Variants in TAF2 observed in about 807,000 individuals in gnomAD.
TAF2 encodes the protein TATA-box binding protein associated factor 2.
In TAF2, 61 loss-of-function variants were observed where a neutral mutation model predicts 138.5. The ratio of observed to expected loss-of-function variants is 0.44; its 90% CI spans 0.36 to 0.54. TAF2 has a LOEUF of 0.54. Among genes scored for constraint, TAF2 ranks in the 20% least tolerant of loss-of-function variants. The probability of loss-of-function intolerance (pLI) is 0.00; values close to 1 mark genes in which losing one functional copy is unlikely to be tolerated. For synonymous variants in TAF2, 475 were observed against 469.9 expected (o/e 1.01, Z -0.14); for missense variants, 1,090 against 1,427.9 (o/e 0.76, Z 3.81).
intron 18 of TAF2, among the ~76,000 whole-genome samples, chr8:119,769,821 G>A (rs575455893): frequency 3.3e-5 from 5 of 151,090 alleles, no homozygotes; most frequent in Admixed American, 6.6e-5. Context: ...GAAGTGGCGC[G>A]ATCTCGGCTC....
At chr8:119,744,669 T>C (rs1433002534) in intron 23 of TAF2, 1 of 463,466 alleles carries the variant, frequency 2.2e-6, no homozygotes, top group African/African-American at 2.0e-5. Context: ...TGGTGGAACG[T>C]GCACACATAG....
intron 5 of TAF2, among the ~76,000 whole-genome samples, chr8:119,803,048 T>C (rs374722964): frequency 1.3e-5 from 2 of 151,830 alleles, no homozygotes; most frequent in South Asian, 2.1e-4. Flanking sequence ...GAGGTGGGGA[T>C]TGCAGTGAGC....
At chr8:119,757,421 A>G (rs1820772973) in intron 21 of TAF2, among the ~76,000 whole-genome samples, 1 of 152,160 alleles carries the variant, frequency 6.6e-6, no homozygotes, top group African/African-American at 2.4e-5. Context: ...CTAAGAGCCG[A>G]TCAGTATTAT....
intron 18 of TAF2, among the ~76,000 whole-genome samples, chr8:119,777,594 T>C (rs1822343807): frequency 1.3e-5 from 2 of 152,180 alleles, no homozygotes; most frequent in South Asian, 2.1e-4. Flanking sequence ...AAAGACACAA[T>C]GGTAAAGAAA....
chr8:119,761,449 TATA>T (rs1250929850), intron 19 of TAF2, among the ~76,000 whole-genome samples: 1 of 152,206 alleles, frequency 6.6e-6, no homozygotes, highest in Non-Finnish European at 1.5e-5. Context: ...GACATATAAG[TATA>T]ATAAATTTTT....
intron 25 of TAF2, among the ~76,000 whole-genome samples, chr8:119,733,721 C>T (rs763388246): frequency 5.9e-5 from 9 of 152,084 alleles, no homozygotes; most frequent in African/African-American, 1.2e-4. Flanking sequence ...AGATTCCCTC[C>T]CTTCCAGAGA....
intron 10 of TAF2, 89 bp downstream of exon 10, chr8:119,793,277 G>A (rs929702297): frequency 1.7e-5 from 19 of 1,103,882 alleles, no homozygotes; most frequent in Non-Finnish European, 2.6e-5. Flanking sequence ...TAAATTCTGA[G>A]GTACAATGAA....
chr8:119,812,031 C>T (rs541375235), intron 3 of TAF2, among the ~76,000 whole-genome samples: 9 of 152,120 alleles, frequency 5.9e-5, no homozygotes, highest in Middle Eastern at 3.4e-3. Context: ...GCTCAGAAGA[C>T]TCACCCAAGT....
chr8:119,814,050 A>G (rs12155707), intron 3 of TAF2, among the ~76,000 whole-genome samples: 88,258 of 151,964 alleles, frequency 0.58, 25,803 homozygotes, highest in Middle Eastern at 0.75. Flanking sequence ...TTCAGTGCAG[A>G]AGTTCAAGGC....
intron 25 of TAF2, among the ~76,000 whole-genome samples, chr8:119,732,891 A>G (rs1213224035): frequency 6.6e-6 from 1 of 152,082 alleles, no homozygotes; most frequent in Non-Finnish European, 1.5e-5. Flanking sequence ...GCTCTAAGGT[A>G]TGGGGGAGGG....
intron 18 of TAF2, among the ~76,000 whole-genome samples, chr8:119,770,366 A>C (rs1431801537): frequency 6.6e-6 from 1 of 152,148 alleles, no homozygotes; most frequent in Non-Finnish European, 1.5e-5. Flanking sequence ...AGAAGTGTCA[A>C]ATCACCTATA....
chr8:119,831,499 T>C (rs922018744), intron 2 of TAF2, among the ~76,000 whole-genome samples, 178 bp downstream of exon 2: 4 of 152,080 alleles, frequency 2.6e-5, no homozygotes, highest in African/African-American at 7.2e-5. Flanking sequence ...TGGGAGGCAA[T>C]AGGTATTAAT....
chr8:119,817,176 T>C (rs1825532947), intron 3 of TAF2, among the ~76,000 whole-genome samples: 1 of 152,212 alleles, frequency 6.6e-6, no homozygotes, highest in East Asian at 1.9e-4. Context: ...GCCTAACCTT[T>C]GAAAAGATTC....
chr8:119,777,780 G>A (rs575365397), intron 18 of TAF2, among the ~76,000 whole-genome samples: 20 of 152,260 alleles, frequency 1.3e-4, no homozygotes, highest in African/African-American at 4.8e-4. Context: ...ACTACAAGAG[G>A]TTTGAAGAAC....
chr8:119,744,323 T>C lies in TAF2; in HGVS notation c.3179A>G (p.His1060Arg), dbSNP rs1819801401. The part of the protein sequence containing the change: ...TVHDSQAFIS[H>R]HLNMLERPST... ...CGGCCTTTCAAGCATGTTTAAATGA[T>C]GGGAAATGAAGGCCTGGCTATCATG... Residue 1060 changes from histidine to arginine, a missense_variant, in exon 24 of 26, where the codon CAT (histidine) becomes CGT (arginine). His to Arg is a conservative substitution (Grantham distance 29). Transcript: ENST00000378164. The C allele has an allele frequency of 1.9e-6, 3 of 1,613,710 alleles. No homozygotes were observed. The Admixed American group carries it at 5.0e-5, about 27-fold the overall frequency.
chr8:119,770,797 G>A (rs1821778500), intron 18 of TAF2, among the ~76,000 whole-genome samples: 1 of 152,164 alleles, frequency 6.6e-6, no homozygotes, highest in Non-Finnish European at 1.5e-5. Context: ...AGAGTGGCCA[G>A]GTGCAGTGGC....
rs1374830455 is a variant in TAF2, at chr8:119,737,593, C to G, written c.3337+4941G>C. Among the ~76,000 whole-genome samples, 6 of 150,738 alleles carry G rather than the reference C, an allele frequency of 4.0e-5. No individual in the cohort carries two copies. In the Admixed American group the frequency reaches 4.0e-4, roughly 10 times the overall value. ...GCATGATTTTGGCTTACTACAACCT[C>G]TGCTTCCCAGGTTCAAGCGAATCTC... On this transcript the variant is annotated intron_variant, in intron 25 of 25. Coordinates refer to ENST00000378164, the MANE Select transcript of TAF2 (RefSeq NM_003184.4).
intron 1 of TAF2, among the ~76,000 whole-genome samples, chr8:119,832,202 T>TA: frequency 6.7e-6 from 1 of 150,188 alleles, no homozygotes; most frequent in East Asian, 1.9e-4. Context: ...CCAATTGGGA[T>TA]AATTTTTTAA....
intron 18 of TAF2, 82 bp from the exon 19 acceptor site, chr8:119,762,690 A>T (rs1271636988): frequency 7.6e-7 from 1 of 1,319,884 alleles, no homozygotes; most frequent in African/African-American, 1.5e-5. Context: ...GTATAATTAC[A>T]TTTTAGATAA....
Sources: gnomAD v4.1 joint callset for allele counts (sites outside exome capture counted in the v4.1 genomes callset) on GRCh38, gnomAD v4.1.1 for gene constraint, MANE v1.5 for transcripts, NCBI Gene and HGNC (gene_info 2026-07-23, HGNC 2026-07-21) for gene names.